The following ANKS1B variants were observed in gnomAD, a reference collection of about 807,000 sequenced individuals.
ANKS1B encodes the protein ankyrin repeat and sterile alpha motif domain containing 1B, also known as ankyrin repeat and sterile alpha motif domain-containing protein 1B.
In ANKS1B, 36 loss-of-function variants were observed where a neutral mutation model predicts 148.3. That is an observed-to-expected ratio of 0.24 (90% CI 0.19 to 0.32). The LOEUF (loss-of-function observed/expected upper bound fraction) is 0.32. Ranked by LOEUF, ANKS1B falls within the 10% of genes least tolerant of loss-of-function variation. ANKS1B has a pLI of 1.00. For synonymous variants in ANKS1B, 542 were observed against 560.8 expected (o/e 0.97, Z 0.47); for missense variants, 1,157 against 1,542.6 (o/e 0.75, Z 4.19).
At chr12:99,672,699 G>A (rs555390392) in intron 8 of ANKS1B, among the ~76,000 whole-genome samples, 40 of 152,190 alleles carry the variant, frequency 2.6e-4, no homozygotes, top group African/African-American at 8.9e-4. Flanking sequence ...CCAACCTTAG[G>A]GAGAGGTGCT....
At chr12:99,431,886 G>A (rs1041654963) in intron 11 of ANKS1B, among the ~76,000 whole-genome samples, 7 of 152,168 alleles carry the variant, frequency 4.6e-5, no homozygotes, top group African/African-American at 1.4e-4. Context: ...CAATGTGGCC[G>A]TGTTGGCAGG....
chr12:98,959,604 A>G (rs147819246), intron 17 of ANKS1B, among the ~76,000 whole-genome samples: 9 of 152,336 alleles, frequency 5.9e-5, no homozygotes, highest in African/African-American at 2.2e-4. Flanking sequence ...CACACAAAAA[A>G]GCACCTTCAT....
intron 1 of ANKS1B, among the ~76,000 whole-genome samples, chr12:99,908,559 C>T (rs11110118): frequency 0.067 from 10,238 of 151,930 alleles, 408 homozygotes; most frequent in South Asian, 0.083. Flanking sequence ...CCAGCCTGAG[C>T]GACAGAAAGA....
At chr12:99,651,900 T>A (rs1173060970) in intron 9 of ANKS1B, among the ~76,000 whole-genome samples, 2 of 151,826 alleles carry the variant, frequency 1.3e-5, no homozygotes, top group Non-Finnish European at 2.9e-5. Flanking sequence ...GCAAATTGTG[T>A]ATGTGTGTAT....
intron 14 of ANKS1B, among the ~76,000 whole-genome samples, chr12:99,212,471 C>G (rs1377575894): frequency 6.6e-6 from 1 of 152,094 alleles, no homozygotes; most frequent in Non-Finnish European, 1.5e-5. Context: ...AAGTATTTCC[C>G]TCCCCTGAAC....
intron 8 of ANKS1B, among the ~76,000 whole-genome samples, chr12:99,688,372 G>T (rs1294162528): frequency 1.3e-5 from 2 of 152,204 alleles, no homozygotes; most frequent in Non-Finnish European, 2.9e-5. Context: ...CACCTCATTT[G>T]TTTCTCTTAT....
intron 17 of ANKS1B, among the ~76,000 whole-genome samples, chr12:98,932,815 A>G (rs1238301389): frequency 1.3e-5 from 2 of 152,064 alleles, no homozygotes; most frequent in African/African-American, 4.8e-5. Context: ...TTTAATACCA[A>G]TGTGCTTTTT....
chr12:99,713,540 A>G lies in ANKS1B; in HGVS notation c.1129-58330T>C, dbSNP rs544469204. Reference sequence around the variant, plus strand: ...TTTCCTCGGCTAAATCTCCACGCTCATGGCTTAGAAATTCTATTTCCCACA... The same window carrying G: ...TTTCCTCGGCTAAATCTCCACGCTCGTGGCTTAGAAATTCTATTTCCCACA... On this transcript the variant is annotated intron_variant, in intron 8 of 26. Transcript: ENST00000683438. 6.6e-5 allele frequency among the ~76,000 whole-genome samples: 10 copies of G among 152,282 alleles called. No individual in the cohort carries two copies. The South Asian group carries it at 1.9e-3, about 28-fold the overall frequency.
intron 1 of ANKS1B, among the ~76,000 whole-genome samples, chr12:99,866,370 C>G (rs1220431362): frequency 6.6e-6 from 1 of 152,056 alleles, no homozygotes; most frequent in Non-Finnish European, 1.5e-5. Flanking sequence ...TTCAAGCACA[C>G]AAAACTTAAA....
chr12:99,091,022 G>A (rs12300893), intron 15 of ANKS1B, among the ~76,000 whole-genome samples: 1,855 of 152,014 alleles, frequency 0.012, 33 homozygotes, highest in East Asian at 0.052. Context: ...TCTGTCTACC[G>A]CAATAAAATT....
rs1179449004 is a variant in ANKS1B at position 99,984,263 on chromosome 12, G to A, written c.-26C>T. ...AGTCTCTCACCGACTCCCCCACAGA[G>A]TCCTTGCCCCCCTCGGGTCCTCCTC... On this transcript the variant is annotated 5_prime_UTR_variant, in exon 1 of 27. Transcript: ENST00000683438. The A allele has an allele frequency of 3.7e-6, 6 of 1,600,884 alleles. No homozygotes were observed. Among genetic ancestry groups the A allele is most frequent in the Admixed American group, 1.7e-5 (1 of 59,298 alleles).
intron 12 of ANKS1B, among the ~76,000 whole-genome samples, chr12:99,282,642 C>A (rs946761960): frequency 6.6e-6 from 1 of 151,900 alleles, no homozygotes; most frequent in Non-Finnish European, 1.5e-5. Flanking sequence ...GTTCTATGAA[C>A]GTAGAACTAA....
intron 11 of ANKS1B, among the ~76,000 whole-genome samples, chr12:99,408,833 C>T (rs1465805495): frequency 1.4e-5 from 2 of 145,242 alleles, no homozygotes; most frequent in Non-Finnish European, 3.0e-5. Flanking sequence ...GGCTTTTATC[C>T]AAAAGACAGG....
intron 17 of ANKS1B, among the ~76,000 whole-genome samples, chr12:99,000,782 C>T (rs2099932541): frequency 6.6e-6 from 1 of 152,150 alleles, no homozygotes; most frequent in Non-Finnish European, 1.5e-5. Context: ...TTGGTAACCA[C>T]CATTTATTCT....
rs956945010 is a variant in ANKS1B at position 99,415,752 on chromosome 12, C to T, written c.1576-15941G>A. On this transcript the variant is annotated intron_variant, in intron 11 of 26. Coordinates refer to ENST00000683438, the MANE Select transcript of ANKS1B (RefSeq NM_001352186.2). Reference sequence around the variant, plus strand: ...AGGCTGGAGTGTAGTGGTGAGATCTCGGCTCACGGCAAGCTCCGCCTCCCA... The same window carrying T: ...AGGCTGGAGTGTAGTGGTGAGATCTTGGCTCACGGCAAGCTCCGCCTCCCA... 1.9e-4 allele frequency among the ~76,000 whole-genome samples: 29 copies of T among 151,470 alleles called. No individual in the cohort carries two copies. The South Asian group carries it at 2.1e-3, about 11-fold the overall frequency.
At chr12:99,191,047 C>T (rs2080617528) in intron 14 of ANKS1B, among the ~76,000 whole-genome samples, 1 of 150,632 alleles carries the variant, frequency 6.6e-6, no homozygotes, top group Admixed American at 6.6e-5. Flanking sequence ...AGGATATGAA[C>T]AGACACTTCC....
intron 12 of ANKS1B, among the ~76,000 whole-genome samples, chr12:99,299,533 T>C (rs943808299): frequency 2.0e-5 from 3 of 152,184 alleles, no homozygotes; most frequent in Non-Finnish European, 4.4e-5. Context: ...CTATAACAAA[T>C]ATAATCACTT....
intron 8 of ANKS1B, among the ~76,000 whole-genome samples, chr12:99,705,644 G>T (rs977930099): frequency 6.6e-6 from 1 of 152,052 alleles, no homozygotes; most frequent in African/African-American, 2.4e-5. Context: ...GAAATTACTG[G>T]GAGATGTGCT....
rs139159086 is a variant in ANKS1B at position 99,476,208 on chromosome 12, C to T, written c.1438+28268G>A. Among the ~76,000 whole-genome samples the T allele has an allele frequency of 7.3e-3, 1,106 of 152,248 alleles. 10 individuals carry two copies. Among genetic ancestry groups the T allele is most frequent in the Admixed American group, 0.015 (234 of 15,278 alleles). On this transcript the variant is annotated intron_variant, in intron 10 of 26. Transcript: ENST00000683438. ...AGGAGTTCAAGGCCACCCTGGCCAA[C>T]ATGGTGAAATCCCATCTCTACTAAA...
Sources: allele counts gnomAD v4.1 joint callset (sites outside exome capture counted in the v4.1 genomes callset), GRCh38; gene constraint gnomAD v4.1.1; transcripts MANE v1.5; gene names NCBI Gene and HGNC (gene_info 2026-07-23, HGNC 2026-07-21).